The following FAT3 variants were observed in gnomAD, a reference collection of about 807,000 sequenced individuals.
FAT3 encodes FAT atypical cadherin 3, also known as protocadherin Fat 3.
FAT3 carries 95 observed loss-of-function variants against 310.2 expected under a neutral mutation model. The ratio of observed to expected loss-of-function variants is 0.31; its 90% CI spans 0.26 to 0.36. The LOEUF is 0.36. Ranked by LOEUF, FAT3 falls within the 10% of genes least tolerant of loss-of-function variation. The probability of loss-of-function intolerance (pLI) is 1.00; values close to 1 mark genes in which losing one functional copy is unlikely to be tolerated. For synonymous variants in FAT3, 2,314 were observed against 2,192.9 expected (o/e 1.06, Z -1.54); for missense variants, 5,408 against 5,715.6 (o/e 0.95, Z 1.74).
chr11:92,582,831 G>A (rs1168054664), intron 3 of FAT3, among the ~76,000 whole-genome samples: 1 of 152,000 alleles, frequency 6.6e-6, no homozygotes, highest in Non-Finnish European at 1.5e-5. Flanking sequence ...GTTGGAAAAT[G>A]CAATACTGTG....
At chr11:92,736,509 C>T (rs959511746) in intron 4 of FAT3, among the ~76,000 whole-genome samples, 11 of 151,932 alleles carry the variant, frequency 7.2e-5, no homozygotes, top group South Asian at 2.1e-4. Flanking sequence ...TGTTAAGTAA[C>T]GAAAAAGAAG....
rs1461906452 is a variant in FAT3, at chr11:92,315,504, TATATATATAGAGAGAG to T, written c.-17-36590_-17-36575del. Among the ~76,000 whole-genome samples, 523 of 90,812 alleles carry T rather than the reference TATATATATAGAGAGAG, an allele frequency of 5.8e-3. 4 individuals carry two copies. The highest frequency in any genetic ancestry group is 0.022 in the African/African-American group (505 of 22,990). The allele number at this position is 90,812 out of a possible 152,430, so 59.6% of individuals were successfully genotyped here. ...GTATATATATATATATATATATATA[TATATATATAGAGAGAG>T]AGAGAGAGAGAGAGAGAGAGAGAGA... On this transcript the variant is annotated intron_variant, in intron 1 of 27. Coordinates refer to ENST00000525166, the MANE Select transcript of FAT3 (RefSeq NM_001367949.2).
intron 4 of FAT3, among the ~76,000 whole-genome samples, chr11:92,720,056 G>T (rs1022335242): frequency 6.6e-6 from 1 of 152,098 alleles, no homozygotes; most frequent in Non-Finnish European, 1.5e-5. Context: ...TACCACAGGG[G>T]CAGGGGCTTG....
At chr11:92,348,145 T>C (rs1948465519) in intron 1 of FAT3, among the ~76,000 whole-genome samples, 1 of 152,144 alleles carries the variant, frequency 6.6e-6, no homozygotes, top group Non-Finnish European at 1.5e-5. Flanking sequence ...GCTTTTTTTT[T>C]TTCCTTTGCC....
At chr11:92,444,352 C>T (rs1168593993) in intron 2 of FAT3, among the ~76,000 whole-genome samples, 3 of 151,572 alleles carry the variant, frequency 2.0e-5, no homozygotes, top group Admixed American at 6.6e-5. Context: ...AAGATCTGAA[C>T]CCCGGTCTCC....
intron 2 of FAT3, among the ~76,000 whole-genome samples, chr11:92,385,822 A>C (rs1449990143): frequency 1.3e-5 from 2 of 152,136 alleles, no homozygotes; most frequent in African/African-American, 4.8e-5. Context: ...CTGGAGGAAA[A>C]GTAGAAAACA....
intron 1 of FAT3, among the ~76,000 whole-genome samples, chr11:92,243,219 A>G (rs1045525820): frequency 6.6e-6 from 1 of 152,078 alleles, no homozygotes; most frequent in African/African-American, 2.4e-5. Context: ...AAATCAACCA[A>G]TATTGAATAA....
chr11:92,764,618 C>G (rs573845702), intron 5 of FAT3, among the ~76,000 whole-genome samples: 59 of 152,272 alleles, frequency 3.9e-4, no homozygotes, highest in African/African-American at 1.4e-3. Flanking sequence ...GTAAGTGCAG[C>G]ATTTGTCTTT....
At chr11:92,465,986 T>C (rs1481341773) in intron 2 of FAT3, among the ~76,000 whole-genome samples, 1 of 152,156 alleles carries the variant, frequency 6.6e-6, no homozygotes, top group Non-Finnish European at 1.5e-5. Context: ...GCATTTAGTA[T>C]TAATAAGTGT....
intron 3 of FAT3, among the ~76,000 whole-genome samples, chr11:92,598,564 A>G (rs1028754139): frequency 1.3e-5 from 2 of 152,156 alleles, no homozygotes; most frequent in African/African-American, 2.4e-5. Context: ...TATGAGTGAG[A>G]GAGTATGGAT....
chr11:92,496,164 A>G (rs1363497632), intron 2 of FAT3, among the ~76,000 whole-genome samples: 1 of 152,040 alleles, frequency 6.6e-6, no homozygotes, highest in Non-Finnish European at 1.5e-5. Context: ...CCGAATGGAC[A>G]ATTAATACAA....
intron 2 of FAT3, chr11:92,366,665 T>A: frequency 1.9e-6 from 1 of 534,810 alleles, no homozygotes; most frequent in South Asian, 1.4e-5. Flanking sequence ...ACCTTCCACA[T>A]GCTTGACAAT....
intron 3 of FAT3, among the ~76,000 whole-genome samples, chr11:92,687,376 T>C (rs1943663685): frequency 6.6e-6 from 1 of 152,254 alleles, no homozygotes; most frequent in Non-Finnish European, 1.5e-5. Flanking sequence ...GTTAAGCTTC[T>C]GTCTCGTTAA....
At chr11:92,860,669 C>G (rs3847549) in intron 21 of FAT3, among the ~76,000 whole-genome samples, 115,071 of 152,130 alleles carry the variant, frequency 0.76, 43,992 homozygotes, top group South Asian at 0.89. Flanking sequence ...CCAGCTTCTG[C>G]CCTTTGATTG....
chr11:92,799,422 G>C lies in FAT3; in HGVS notation c.6409G>C (p.Gly2137Arg). The stretch of plus-strand genomic sequence containing the variant: ...CCACTTTGAAATTAACCCTAATTCA[G>C]GGAATGTTATTTTAAAGGAAGCATT... ...YGHFEINPNS[G>R]NVILKEAFNS... The change falls in exon 10 of 28, where the codon GGG becomes CGG. Residue 2137 changes from glycine to arginine, a missense_variant. Gly to Arg is a moderately radical substitution (Grantham distance 125). Transcript: ENST00000525166. 6.2e-7 allele frequency: 1 copy of C among 1,613,516 alleles called. No individual in the cohort carries two copies. The highest frequency in any genetic ancestry group is 8.5e-7 in the Non-Finnish European group (1 of 1,179,726).
At chr11:92,877,664 T>C (rs181970623) in intron 22 of FAT3, among the ~76,000 whole-genome samples, 2 of 152,308 alleles carry the variant, frequency 1.3e-5, no homozygotes, top group East Asian at 3.9e-4. Context: ...GCCCCATTAA[T>C]GTGCTCAGAG....
intron 4 of FAT3, among the ~76,000 whole-genome samples, chr11:92,730,206 C>T (rs894775575): frequency 6.6e-6 from 1 of 152,036 alleles, no homozygotes; most frequent in Admixed American, 6.6e-5. Flanking sequence ...GTCATGGTGG[C>T]TCATGCCTGT....
intron 2 of FAT3, among the ~76,000 whole-genome samples, chr11:92,507,244 T>C (rs1309089163): frequency 6.6e-6 from 1 of 152,036 alleles, no homozygotes; most frequent in Non-Finnish European, 1.5e-5. Flanking sequence ...TGAATGAAAA[T>C]TGGAGAACAA....
At position 92,844,185 on chromosome 11, in the gene FAT3, C is replaced by T. The variant is rs758422449; in HGVS notation, c.10818C>T (p.Ile3606=). The change falls in exon 19 of 28, where the codon ATC becomes ATT. Residue 3606 remains isoleucine, a synonymous_variant. Coordinates refer to ENST00000525166, the MANE Select transcript of FAT3 (RefSeq NM_001367949.2). ...TGAACAGTCACGATGGGAAAATCAT[C>T]GCCCTGGGAGGCCTGGACAGCGGCA... The part of the protein sequence containing the change: ...FKVNSHDGKI[I]ALGGLDSGKY... 1.9e-5 allele frequency: 31 copies of T among 1,614,038 alleles called. No individual in the cohort carries two copies. The highest frequency in any genetic ancestry group is 2.5e-5 in the Non-Finnish European group (29 of 1,179,900).
Sources: allele counts gnomAD v4.1 joint callset (sites outside exome capture counted in the v4.1 genomes callset), GRCh38; gene constraint gnomAD v4.1.1; transcripts MANE v1.5; gene names NCBI Gene and HGNC (gene_info 2026-07-23, HGNC 2026-07-21).